Variants in ANO3 observed in about 807,000 individuals in gnomAD.
The protein encoded by ANO3 is anoctamin 3, also known as anoctamin-3.
In ANO3, 99 loss-of-function variants were observed where a neutral mutation model predicts 144.8. The ratio of observed to expected loss-of-function variants is 0.68; its 90% confidence interval spans 0.58 to 0.81. The LOEUF (loss-of-function observed/expected upper bound fraction) is 0.81. Ranked by LOEUF, ANO3 falls within the 30% of genes least tolerant of loss-of-function variation. ANO3 has a pLI of 0.00. For synonymous variants in ANO3, 414 were observed against 392.6 expected (o/e 1.05, Z -0.64); for missense variants, 905 against 1,202.2 (o/e 0.75, Z 3.66).
intron 1 of ANO3, among the ~76,000 whole-genome samples, chr11:26,229,194 T>C (rs2133800142): frequency 6.6e-6 from 1 of 152,340 alleles, no homozygotes; most frequent in Middle Eastern, 3.4e-3. Flanking sequence ...AACTTCCTTC[T>C]GCCAAGAATT....
chr11:26,254,219 A>T (rs1853004134), intron 1 of ANO3, among the ~76,000 whole-genome samples: 1 of 152,162 alleles, frequency 6.6e-6, no homozygotes, highest in African/African-American at 2.4e-5. Flanking sequence ...CACTAAAGTA[A>T]AGACTATAGC....
Position 26,240,841 on chromosome 11 carries a change from ACT to A in ANO3, c.154+51516_154+51517del, listed in dbSNP as rs1476189732. Reference sequence around the variant, plus strand: ...GAATATTCTGTATGATATTCCTCAGACTCTCTTAATATTTTTAAATTTCTATA... The same window carrying A: ...GAATATTCTGTATGATATTCCTCAGACTCTTAATATTTTTAAATTTCTATA... On this transcript the variant is annotated intron_variant, in intron 1 of 27. Coordinates refer to the ANO3 transcript ENST00000672621. Among the ~76,000 whole-genome samples, 9 of 152,158 alleles carry A rather than the reference ACT, an allele frequency of 5.9e-5. No individual in the cohort carries two copies. The South Asian group carries it at 1.9e-3, about 32-fold the overall frequency.
chr11:26,256,244 T>A (rs11029434), intron 1 of ANO3, among the ~76,000 whole-genome samples: 1 of 152,170 alleles, frequency 6.6e-6, no homozygotes, highest in Non-Finnish European at 1.5e-5. Flanking sequence ...AACTGTATCA[T>A]GTATTCAAAT....
intron 17 of ANO3, among the ~76,000 whole-genome samples, chr11:26,621,352 C>G (rs571756415): frequency 6.6e-6 from 1 of 152,152 alleles, no homozygotes; most frequent in Admixed American, 6.5e-5. Context: ...TCCTTTCTCT[C>G]TAACTTCCCT....
At chr11:26,611,856 A>G (rs758660478) in intron 17 of ANO3, among the ~76,000 whole-genome samples, 6 of 118,028 alleles carry the variant, frequency 5.1e-5, no homozygotes, top group Admixed American at 1.8e-4. Flanking sequence ...TTATCATTAT[A>G]TAATTTTTTT....
At chr11:26,362,808 G>T (rs538109130) in intron 1 of ANO3, among the ~76,000 whole-genome samples, 1 of 152,094 alleles carries the variant, frequency 6.6e-6, no homozygotes, top group South Asian at 2.1e-4. Context: ...CATGAGGGAA[G>T]GTGTCATATA....
At chr11:26,595,533 C>T (rs1468830493) in intron 14 of ANO3, among the ~76,000 whole-genome samples, 1 of 134,628 alleles carries the variant, frequency 7.4e-6, no homozygotes, top group Non-Finnish European at 1.5e-5. Context: ...ACAGCTCACA[C>T]GTTTGAGCAG....
At chr11:26,232,094 C>T (rs969735057) in intron 1 of ANO3, among the ~76,000 whole-genome samples, 18 of 152,264 alleles carry the variant, frequency 1.2e-4, no homozygotes, top group African/African-American at 4.1e-4. Flanking sequence ...AATAAATGTG[C>T]CCCAATTTTC....
At chr11:26,217,173 C>A (rs1332209635) in intron 1 of ANO3, among the ~76,000 whole-genome samples, 1 of 151,818 alleles carries the variant, frequency 6.6e-6, no homozygotes, top group Non-Finnish European at 1.5e-5. Flanking sequence ...ATTTTATTGT[C>A]TAGAAGGTTT....
At chr11:26,412,520 T>A (rs1191857289) in intron 1 of ANO3, among the ~76,000 whole-genome samples, 5 of 151,976 alleles carry the variant, frequency 3.3e-5, no homozygotes, top group African/African-American at 1.2e-4. Context: ...TTTTAGTGTG[T>A]GAAGGTATAT....
At chr11:26,319,643 C>T (rs533972467) in intron 1 of ANO3, among the ~76,000 whole-genome samples, 7 of 152,232 alleles carry the variant, frequency 4.6e-5, no homozygotes, top group African/African-American at 1.4e-4. Flanking sequence ...GATAAAATGC[C>T]TTTGTTAACA....
chr11:26,412,384 T>A (rs1857456269), intron 1 of ANO3, among the ~76,000 whole-genome samples: 1 of 151,934 alleles, frequency 6.6e-6, no homozygotes, highest in South Asian at 2.1e-4. Flanking sequence ...AATAGGGAGG[T>A]CAAATAATTT....
intron 10 of ANO3, among the ~76,000 whole-genome samples, chr11:26,539,499 T>G (rs1000624430): frequency 2.6e-5 from 4 of 152,172 alleles, no homozygotes; most frequent in Non-Finnish European, 4.4e-5. Flanking sequence ...TCTTTGGGCT[T>G]TAAACACCTT....
intron 1 of ANO3, among the ~76,000 whole-genome samples, chr11:26,321,670 T>A (rs564677705): frequency 6.6e-6 from 1 of 152,062 alleles, no homozygotes; most frequent in South Asian, 2.1e-4. Flanking sequence ...TCATCTTTTA[T>A]CAGCAATCTG....
chr11:26,255,757 C>A (rs1853042619), intron 1 of ANO3, among the ~76,000 whole-genome samples: 1 of 152,042 alleles, frequency 6.6e-6, no homozygotes, highest in South Asian at 2.1e-4. Context: ...TTAATCTTTC[C>A]CAGACAAAGG....
chr11:26,302,772 A>G (rs1406395867), intron 1 of ANO3, among the ~76,000 whole-genome samples: 1 of 152,214 alleles, frequency 6.6e-6, no homozygotes, highest in Admixed American at 6.5e-5. Context: ...ATGGACATAT[A>G]TATGTGTTTA....
At chr11:26,394,570 C>CTTTTTTTT (rs56118844) in intron 1 of ANO3, among the ~76,000 whole-genome samples, 2 of 115,732 alleles carry the variant, frequency 1.7e-5, no homozygotes, top group Non-Finnish European at 3.5e-5. Flanking sequence ...ATTTCATTTT[C>CTTTTTTTT]TTTTTTTTTT....
chr11:26,584,868 T>G (rs1265090666), intron 14 of ANO3, among the ~76,000 whole-genome samples: 1 of 152,230 alleles, frequency 6.6e-6, no homozygotes. Flanking sequence ...AAGAACTAAG[T>G]GCAGCCTGTT....
At chr11:26,202,359 AT>A (rs938491092) in intron 1 of ANO3, among the ~76,000 whole-genome samples, 1 of 146,804 alleles carries the variant, frequency 6.8e-6, no homozygotes, top group African/African-American at 2.5e-5. Context: ...TATATATATT[AT>A]ATATGTGTAT....
Sources: gnomAD v4.1 joint callset for allele counts (sites outside exome capture counted in the v4.1 genomes callset) on GRCh38, gnomAD v4.1.1 for gene constraint, MANE v1.5 for transcripts, NCBI Gene and HGNC (gene_info 2026-07-23, HGNC 2026-07-21) for gene names.